The following CTNNA2 variants were observed in gnomAD, a reference collection of about 807,000 sequenced individuals.
CTNNA2 encodes the protein catenin alpha-2.
Under a neutral mutation model 101.0 loss-of-function variants are expected in CTNNA2, and 42 were observed. That is an observed-to-expected ratio of 0.42 (90% confidence interval 0.32 to 0.54). The LOEUF is 0.54. Among genes scored for constraint, CTNNA2 ranks in the 20% least tolerant of loss-of-function variants. CTNNA2 has a pLI of 0.14. For missense variants in CTNNA2, 871 were observed against 1,223.1 expected, an observed-to-expected ratio of 0.71 and a Z score of 4.29; for synonymous variants, 450 against 456.4, an observed-to-expected ratio of 0.99 and a Z score of 0.18.
chr2:80,070,478 G>A (rs572029654), intron 7 of CTNNA2, among the ~76,000 whole-genome samples: 12 of 152,152 alleles, frequency 7.9e-5, no homozygotes, highest in African/African-American at 2.4e-4. Context: ...GAGCTGAGGC[G>A]GGAGGATGTC....
chr2:79,438,024 G>GT (rs985562478), intron 4 of CTNNA2, among the ~76,000 whole-genome samples: 2 of 149,256 alleles, frequency 1.3e-5, no homozygotes, highest in African/African-American at 5.0e-5. Flanking sequence ...TGTTATGCCC[G>GT]TTTTTTAAAA....
chr2:79,868,745 C>T (rs1682345149), intron 4 of CTNNA2, among the ~76,000 whole-genome samples: 1 of 152,328 alleles, frequency 6.6e-6, no homozygotes, highest in East Asian at 1.9e-4. Flanking sequence ...CTTCTCGCTC[C>T]ATTCCTCTCT....
At chr2:79,213,248 T>G (rs1231712722) in intron 2 of CTNNA2, among the ~76,000 whole-genome samples, 3 of 152,204 alleles carry the variant, frequency 2.0e-5, no homozygotes, top group Non-Finnish European at 2.9e-5. Flanking sequence ...GATCTGATGA[T>G]GCCCTTCGAC....
At chr2:80,526,961 T>C (rs921458682) in intron 9 of CTNNA2, among the ~76,000 whole-genome samples, 4 of 151,946 alleles carry the variant, frequency 2.6e-5, no homozygotes, top group Non-Finnish European at 4.4e-5. Context: ...ATTTGGGAGG[T>C]AGTAGAATAT....
intron 9 of CTNNA2, among the ~76,000 whole-genome samples, chr2:80,456,361 T>C (rs1346963325): frequency 6.6e-6 from 1 of 152,202 alleles, no homozygotes; most frequent in Non-Finnish European, 1.5e-5. Flanking sequence ...CTGTGTGTTG[T>C]GCAGCCCTGC....
intron 4 of CTNNA2, among the ~76,000 whole-genome samples, chr2:79,450,383 TG>T (rs1444596790): frequency 6.6e-6 from 1 of 152,056 alleles, no homozygotes; most frequent in African/African-American, 2.4e-5. Flanking sequence ...TATTTACATA[TG>T]GGATTCTTTG....
chr2:79,410,163 C>A (rs1287368244), intron 4 of CTNNA2, among the ~76,000 whole-genome samples: 1 of 147,068 alleles, frequency 6.8e-6, no homozygotes, highest in African/African-American at 2.5e-5. Context: ...TATCCTGAGA[C>A]TTTGCTGAAG....
intron 7 of CTNNA2, among the ~76,000 whole-genome samples, chr2:80,036,063 G>A (rs891493814): frequency 1.3e-5 from 2 of 152,178 alleles, no homozygotes; most frequent in Non-Finnish European, 2.9e-5. Flanking sequence ...CTAAATCAGG[G>A]TTTGAGGAAC....
At chr2:80,613,966 G>C (rs1309652714) in intron 17 of CTNNA2, among the ~76,000 whole-genome samples, 1 of 151,496 alleles carries the variant, frequency 6.6e-6, no homozygotes, top group African/African-American at 2.4e-5. Flanking sequence ...TGAGATATCA[G>C]TGCCATTACT....
At chr2:80,488,111 A>G (rs2149512316) in intron 9 of CTNNA2, among the ~76,000 whole-genome samples, 1 of 152,358 alleles carries the variant, frequency 6.6e-6, no homozygotes. Context: ...GAGTTTCCGA[A>G]TAAAAATAGC....
At position 80,302,214 on chromosome 2, in the gene CTNNA2, T is replaced by A; in HGVS notation, c.1057-90997T>A. 1.3e-6 allele frequency: 2 copies of A among 1,588,762 alleles called. No individual in the cohort carries two copies. Among genetic ancestry groups the A allele is most frequent in the Admixed American group, 3.4e-5 (2 of 59,010 alleles). ...CCGGCCCGTCCCGGCTGCCCAGGCGTATTTGGTAGCGCATGGGTTGAGAGC... is the reference window on the plus strand; with the variant it reads ...CCGGCCCGTCCCGGCTGCCCAGGCGAATTTGGTAGCGCATGGGTTGAGAGC... On this transcript the variant is annotated intron_variant, in intron 7 of 18. Coordinates refer to ENST00000402739, the MANE Select transcript of CTNNA2 (RefSeq NM_001282597.3). The surrounding 1 kb of genome is among the most constrained non-coding windows in gnomAD (Gnocchi z 6.4).
intron 3 of CTNNA2, among the ~76,000 whole-genome samples, chr2:79,781,842 A>G (rs994215630): frequency 3.3e-5 from 5 of 152,318 alleles, no homozygotes; most frequent in African/African-American, 9.6e-5. Context: ...AAAATCATAC[A>G]TTTCTCAAAT....
chr2:79,975,855 C>T (rs1690803032), intron 7 of CTNNA2, among the ~76,000 whole-genome samples: 1 of 152,196 alleles, frequency 6.6e-6, no homozygotes, highest in African/African-American at 2.4e-5. Context: ...CTCTTCCAAA[C>T]TCAGTCCTGT....
intron 4 of CTNNA2, among the ~76,000 whole-genome samples, chr2:79,374,803 A>C (rs1477299798): frequency 6.6e-6 from 1 of 152,090 alleles, no homozygotes; most frequent in Non-Finnish European, 1.5e-5. Flanking sequence ...TCTCCTTCCC[A>C]TTAGGCATAT....
At chr2:80,013,942 G>T (rs1206075640) in intron 7 of CTNNA2, among the ~76,000 whole-genome samples, 1 of 152,098 alleles carries the variant, frequency 6.6e-6, no homozygotes, top group Non-Finnish European at 1.5e-5. Flanking sequence ...CTTGTTGAGT[G>T]CAGTCTCTTT....
At chr2:80,178,380 C>A (rs1399102023) in intron 7 of CTNNA2, among the ~76,000 whole-genome samples, 1 of 152,144 alleles carries the variant, frequency 6.6e-6, no homozygotes, top group Non-Finnish European at 1.5e-5. Context: ...AGCCCAGTAA[C>A]AGGCCAAGAG....
In CTNNA2 at chr2:79,939,168, A is replaced by G. The variant is rs576815666; in HGVS notation, c.1056+29371A>G. Among the ~76,000 whole-genome samples, 420 of 137,056 alleles carry G rather than the reference A, an allele frequency of 3.1e-3. 1 individual carries two copies. Among genetic ancestry groups the G allele is most frequent in the African/African-American group, 9.9e-3 (390 of 39,340 alleles). The allele number at this position is 137,056 out of a possible 152,430, so 89.9% of individuals were successfully genotyped here. A position where few individuals can be genotyped will look rare whatever the true frequency, so the allele number is the denominator to read the frequency against. ...ACACAGAGTTTATTATTGTTTTGTT[A>G]GCAATTTTAAAAAAAATATTCAAGG... On this transcript the variant is annotated intron_variant, in intron 7 of 18. Transcript: ENST00000402739.
intron 6 of CTNNA2, among the ~76,000 whole-genome samples, chr2:79,902,504 T>C (rs1178779522): frequency 6.6e-6 from 1 of 152,202 alleles, no homozygotes; most frequent in Admixed American, 6.5e-5. Flanking sequence ...CTACCCGATG[T>C]TCATATACTT....
chr2:79,621,378 T>A (rs1245913387), intron 1 of CTNNA2, among the ~76,000 whole-genome samples: 1 of 152,090 alleles, frequency 6.6e-6, no homozygotes, highest in African/African-American at 2.4e-5. Flanking sequence ...GCAATACACA[T>A]CATCAACCTA....
Sources: allele counts gnomAD v4.1 joint callset (sites outside exome capture counted in the v4.1 genomes callset), GRCh38; gene constraint gnomAD v4.1.1; non-coding constraint Gnocchi (gnomAD v3.1); transcripts MANE v1.5; gene names NCBI Gene and HGNC (gene_info 2026-07-23, HGNC 2026-07-21).